DENND1A: variants seen among roughly 807,000 people sequenced by gnomAD.
The protein encoded by DENND1A is DENN domain-containing protein 1A.
DENND1A carries 51 observed loss-of-function variants against 113.7 expected under a neutral mutation model. The observed-to-expected ratio is 0.45, with a 90% CI of 0.36 to 0.57. The LOEUF is 0.57. Ranked by LOEUF, DENND1A falls within the 20% of genes least tolerant of loss-of-function variation. The pLI is 0.00. For missense variants in DENND1A, 1,258 were observed against 1,395.9 expected (o/e 0.90, Z 1.57); for synonymous variants, 565 against 570.8 (o/e 0.99, Z 0.14).
chr9:123,714,524 C>G (rs1358824723), intron 5 of DENND1A, among the ~76,000 whole-genome samples: 2 of 152,112 alleles, frequency 1.3e-5, no homozygotes, highest in African/African-American at 4.8e-5. Flanking sequence ...ATTGCTTGAA[C>G]CCAGGAGGCA....
At chr9:123,431,657 C>T (rs2046143687) in intron 19 of DENND1A, among the ~76,000 whole-genome samples, 1 of 152,226 alleles carries the variant, frequency 6.6e-6, no homozygotes, top group Non-Finnish European at 1.5e-5. Flanking sequence ...ACCTGAGCCC[C>T]TTACAGGTTG....
At chr9:123,574,252 G>T (rs1240428457) in intron 12 of DENND1A, among the ~76,000 whole-genome samples, 2 of 143,308 alleles carry the variant, frequency 1.4e-5, no homozygotes, top group African/African-American at 5.2e-5. Context: ...AAAATAAGAT[G>T]AGACATCTTC....
intron 18 of DENND1A, among the ~76,000 whole-genome samples, chr9:123,443,260 G>A (rs1162518727): frequency 6.6e-6 from 1 of 152,200 alleles, no homozygotes; most frequent in Non-Finnish European, 1.5e-5. Context: ...AAAGTGCTCA[G>A]ATGTAATCTT....
intron 12 of DENND1A, among the ~76,000 whole-genome samples, chr9:123,581,796 GAAC>G (rs943550351): frequency 5.3e-5 from 8 of 152,114 alleles, no homozygotes; most frequent in African/African-American, 1.7e-4. Flanking sequence ...ACATGGCCAG[GAAC>G]AACAACCCGT....
At chr9:123,553,748 T>C (rs1481627674) in intron 13 of DENND1A, among the ~76,000 whole-genome samples, 1 of 152,216 alleles carries the variant, frequency 6.6e-6, no homozygotes, top group Non-Finnish European at 1.5e-5. Context: ...TTCTCATTTC[T>C]AGTCCTGTTA....
chr9:123,597,848 ATT>A (rs1473393079), intron 11 of DENND1A, among the ~76,000 whole-genome samples: 1 of 152,208 alleles, frequency 6.6e-6, no homozygotes, highest in Non-Finnish European at 1.5e-5. Flanking sequence ...CTGAGGCTTC[ATT>A]AATGCTACTC....
At chr9:123,593,464 G>T (rs566947950) in intron 11 of DENND1A, among the ~76,000 whole-genome samples, 2 of 152,102 alleles carry the variant, frequency 1.3e-5, no homozygotes, top group Non-Finnish European at 2.9e-5. Context: ...AAGGGTCTAG[G>T]CTGGCTTCCT....
At chr9:123,711,520 T>C (rs1267753541) in intron 5 of DENND1A, among the ~76,000 whole-genome samples, 1 of 111,642 alleles carries the variant, frequency 9.0e-6, no homozygotes, top group African/African-American at 4.7e-5. Flanking sequence ...TATGTATATA[T>C]ATATATATAT....
chr9:123,541,940 C>T (rs4836929), intron 13 of DENND1A, among the ~76,000 whole-genome samples: 26,835 of 152,188 alleles, frequency 0.18, 2,525 homozygotes, highest in African/African-American at 0.22. Context: ...CTCAACCTTC[C>T]TTAGCCAGTA....
rs1313347212 is a variant in DENND1A, at chr9:123,381,647, C to T, written c.2998G>A (p.Gly1000Arg). 39 of 1,608,218 alleles carry T rather than the reference C, an allele frequency of 2.4e-5. No homozygotes were observed. The highest frequency in any genetic ancestry group is 3.3e-5 in the Non-Finnish European group (39 of 1,177,730). The change falls in exon 24 of 24, where the codon GGG becomes AGG. Residue 1000 changes from glycine (G) to arginine (R), a missense_variant. Gly to Arg is a moderately radical substitution (Grantham distance 125). This residue lies in a region of DENND1A where 1,159 missense variants were observed against 1,231.7 expected (regional missense o/e 0.94). Transcript: ENST00000394215. This position sits in a 1 kb window ranked among gnomAD's most constrained non-coding sequence, Gnocchi z 4.7. ...SSARAAETKQ[G>R]LALRPGDPPL... The stretch of plus-strand genomic sequence containing the variant: ...GGGTCTCCAGGCCTCAGGGCCAGCC[C>T]CTGCTTGGTCTCAGCAGCCCTGGCA...
At chr9:123,404,475 G>C (rs1399068581) in intron 20 of DENND1A, among the ~76,000 whole-genome samples, 3 of 152,282 alleles carry the variant, frequency 2.0e-5, no homozygotes, top group African/African-American at 7.2e-5. Flanking sequence ...CAGGGGGCTT[G>C]CTTTCTCCAC....
At chr9:123,846,828 C>A (rs1306603354) in intron 2 of DENND1A, among the ~76,000 whole-genome samples, 3 of 152,118 alleles carry the variant, frequency 2.0e-5, no homozygotes, top group African/African-American at 7.2e-5. Context: ...TAAATTTACA[C>A]TTAAAAATAT....
chr9:123,502,114 T>C (rs2052538840), intron 13 of DENND1A, among the ~76,000 whole-genome samples: 2 of 152,126 alleles, frequency 1.3e-5, no homozygotes, highest in Admixed American at 1.3e-4. Flanking sequence ...TCCATATCTA[T>C]ATATCTATAT....
intron 11 of DENND1A, among the ~76,000 whole-genome samples, chr9:123,584,948 C>T (rs1364866647): frequency 2.0e-5 from 3 of 152,166 alleles, no homozygotes; most frequent in Admixed American, 6.5e-5. Flanking sequence ...GACTGGCACC[C>T]GGTAAGTGTA....
At chr9:123,462,905 T>G (rs1196842530) in intron 13 of DENND1A, among the ~76,000 whole-genome samples, 1 of 152,134 alleles carries the variant, frequency 6.6e-6, no homozygotes, top group Non-Finnish European at 1.5e-5. Context: ...AACAAACCGC[T>G]GTCAAGGCTC....
At position 123,454,740 on chromosome 9, in the gene DENND1A, C is replaced by G. The variant is rs1207932916; in HGVS notation, c.1226G>C (p.Arg409Pro). Residue 409 changes from arginine (R) to proline (P), a missense_variant and splice_region_variant, in exon 16 of 24, where the codon CGG (arginine) becomes CCG (proline). Physicochemically the swap from Arg to Pro is moderately radical, Grantham distance 103. Around this residue, in one of 2 missense-constraint regions of DENND1A, gnomAD observed 1,159 missense variants for 1,231.7 expected, o/e 0.94. Coordinates refer to ENST00000394215, the MANE Select transcript of DENND1A (RefSeq NM_001352964.2). Reference protein sequence around the residue: ...KLYHQWLSTVRKGSGAILNTV... With the variant: ...KLYHQWLSTVPKGSGAILNTV... Reference sequence around the variant, plus strand: ...GCTCTGAATTGGGTGCATGCTTACCCGGACAGTGGAGAGCCACTGATGGTA... The same window carrying G: ...GCTCTGAATTGGGTGCATGCTTACCGGGACAGTGGAGAGCCACTGATGGTA... 6.4e-7 allele frequency: 1 copy of G among 1,554,436 alleles called. No individual in the cohort carries two copies. The highest frequency in any genetic ancestry group is 8.7e-7 in the Non-Finnish European group (1 of 1,148,362).
chr9:123,890,980 A>G (rs1346232022), intron 1 of DENND1A, among the ~76,000 whole-genome samples: 1 of 152,050 alleles, frequency 6.6e-6, no homozygotes, highest in Non-Finnish European at 1.5e-5. Context: ...GAACCTTATT[A>G]TAGGCCCAAT....
At chr9:123,674,085 T>C (rs1289046998) in intron 6 of DENND1A, among the ~76,000 whole-genome samples, 1 of 151,984 alleles carries the variant, frequency 6.6e-6, no homozygotes, top group Non-Finnish European at 1.5e-5. Context: ...AGTTCTGACA[T>C]CCCATGCTGA....
chr9:123,498,028 C>T (rs187206715), intron 13 of DENND1A, among the ~76,000 whole-genome samples: 6 of 152,234 alleles, frequency 3.9e-5, no homozygotes, highest in East Asian at 1.9e-4. Flanking sequence ...GAAAGATATG[C>T]GCAATTTTAG....
Sources: gnomAD v4.1 joint callset for allele counts (sites outside exome capture counted in the v4.1 genomes callset) on GRCh38, gnomAD v4.1.1 for gene constraint, gnomAD v4.1.1 regional missense constraint, Gnocchi (gnomAD v3.1) non-coding constraint, MANE v1.5 for transcripts, NCBI Gene and HGNC (gene_info 2026-07-23, HGNC 2026-07-21) for gene names.